TAFA5: variants seen among roughly 807,000 people sequenced by gnomAD.
TAFA5 encodes the protein chemokine-like protein TAFA-5.
Under a neutral mutation model 15.3 loss-of-function variants are expected in TAFA5, and 6 were observed. That is an observed-to-expected ratio of 0.39 (90% CI 0.21 to 0.77). The LOEUF (loss-of-function observed/expected upper bound fraction) is 0.77. Ranked by LOEUF, TAFA5 falls within the 30% of genes least tolerant of loss-of-function variation. The probability of loss-of-function intolerance (pLI) is 0.41; values close to 1 mark genes in which losing one functional copy is unlikely to be tolerated. For synonymous variants in TAFA5, 103 were observed against 80.7 expected (o/e 1.28, Z -1.48); for missense variants, 161 against 193.1 (o/e 0.83, Z 0.98).
At chr22:48,745,774 G>T (rs1187954897) in intron 3 of TAFA5, among the ~76,000 whole-genome samples, 1 of 152,222 alleles carries the variant, frequency 6.6e-6, no homozygotes, top group African/African-American at 2.4e-5. Context: ...CCGGCCCAAA[G>T]ATTTCATATA....
intron 1 of TAFA5, among the ~76,000 whole-genome samples, chr22:48,542,130 G>GT (rs1439666731): frequency 7.2e-6 from 1 of 139,110 alleles, no homozygotes; most frequent in African/African-American, 2.9e-5. Flanking sequence ...TGGTGTGTGT[G>GT]ATGTGTATGT....
intron 2 of TAFA5, among the ~76,000 whole-genome samples, chr22:48,704,888 G>A (rs1929032004): frequency 6.6e-6 from 1 of 152,116 alleles, no homozygotes; most frequent in Non-Finnish European, 1.5e-5. Context: ...TGATAGGTTT[G>A]GTTCCTGGTG....
intron 2 of TAFA5, among the ~76,000 whole-genome samples, chr22:48,687,065 TGATGAATG>T (rs1387066602): frequency 6.9e-6 from 1 of 144,206 alleles, no homozygotes; most frequent in African/African-American, 2.6e-5. Flanking sequence ...ATGAATGGAT[TGATGAATG>T]GGTGGATGGA....
chr22:48,747,160 T>G (rs1488408122), intron 3 of TAFA5, among the ~76,000 whole-genome samples: 4 of 152,166 alleles, frequency 2.6e-5, no homozygotes. Flanking sequence ...GCCTAAGAAC[T>G]AAGGGGCCCT....
In TAFA5 at chr22:48,540,322, GGT is replaced by G. The variant is rs540164579; in HGVS notation, c.112+50620_112+50621del. Among the ~76,000 whole-genome samples the G allele has an allele frequency of 2.0e-3, 301 of 152,232 alleles. 1 individual carries two copies. Among genetic ancestry groups the G allele is most frequent in the African/African-American group, 6.8e-3 (284 of 41,530 alleles). ...GCGGTGGGGGGAGGTGGATCCCCTG[GGT>G]GGAAGCCTGGAAAACCTCTGGAGGG... On this transcript the variant is annotated intron_variant, in intron 1 of 3. Coordinates refer to ENST00000402357, the MANE Select transcript of TAFA5 (RefSeq NM_001082967.3).
intron 3 of TAFA5, among the ~76,000 whole-genome samples, chr22:48,744,162 G>T (rs1208528342): frequency 6.6e-6 from 1 of 152,142 alleles, no homozygotes; most frequent in East Asian, 1.9e-4. Flanking sequence ...TGAGGAAGGG[G>T]CTGGCCCTAA....
intron 1 of TAFA5, among the ~76,000 whole-genome samples, chr22:48,510,113 T>G (rs1921157989): frequency 6.6e-6 from 1 of 152,198 alleles, no homozygotes; most frequent in Non-Finnish European, 1.5e-5. Context: ...CCTGAAATGC[T>G]TCGGGACATT....
At position 48,566,459 on chromosome 22, in the gene TAFA5, G is replaced by A. The variant is rs941607905; in HGVS notation, c.112+76755G>A. Among the ~76,000 whole-genome samples, 1 of 151,454 alleles carries A rather than the reference G, an allele frequency of 6.6e-6. No individual in the cohort carries two copies. Among genetic ancestry groups the A allele is most frequent in the Non-Finnish European group, 1.5e-5 (1 of 67,926 alleles). ...GGTGATGAATGATTGATTGATGGAG[G>A]GATGGATGTTGGATGGGTGGATGAC... On this transcript the variant is annotated intron_variant, in intron 1 of 3. Transcript: ENST00000402357. The surrounding 1 kb of genome is among the most constrained non-coding windows in gnomAD (Gnocchi z 4.5).
Position 48,741,741 on chromosome 22 carries a change from G to A in TAFA5, c.391-8098G>A, listed in dbSNP as rs569063564. Among the ~76,000 whole-genome samples the A allele has an allele frequency of 9.9e-5, 15 of 152,234 alleles. No individual in the cohort carries two copies. The South Asian group carries it at 2.1e-3, about 21-fold the overall frequency. On this transcript the variant is annotated intron_variant, in intron 3 of 3. Coordinates refer to ENST00000402357, the MANE Select transcript of TAFA5 (RefSeq NM_001082967.3). Reference sequence around the variant, plus strand: ...AGGGGCCTCAGAAGCCAGCCTTGCCGCACCTGTGGATCCCAGACGTCCAGC... The same window carrying A: ...AGGGGCCTCAGAAGCCAGCCTTGCCACACCTGTGGATCCCAGACGTCCAGC...
intron 2 of TAFA5, among the ~76,000 whole-genome samples, chr22:48,704,734 G>A (rs935915891): frequency 1.3e-5 from 2 of 152,136 alleles, no homozygotes; most frequent in Admixed American, 6.5e-5. Flanking sequence ...TCAGGTGAAC[G>A]AGGGATGTTC....
chr22:48,597,949 G>C (rs534260339), intron 1 of TAFA5, among the ~76,000 whole-genome samples: 3 of 152,202 alleles, frequency 2.0e-5, no homozygotes, highest in African/African-American at 7.2e-5. Context: ...CAGGAGTCCC[G>C]GCCCTCCATG....
chr22:48,568,897 A>G (rs1300843508), intron 1 of TAFA5, among the ~76,000 whole-genome samples: 3 of 152,220 alleles, frequency 2.0e-5, no homozygotes, highest in South Asian at 2.1e-4. Context: ...GGACGAGGGC[A>G]GATGAGGACA....
intron 3 of TAFA5, among the ~76,000 whole-genome samples, chr22:48,723,135 G>C (rs376382922): frequency 3.9e-5 from 6 of 152,136 alleles, no homozygotes; most frequent in Non-Finnish European, 8.8e-5. Context: ...CTTGGCTGGT[G>C]TGTCCAGATG....
At chr22:48,684,911 ACT>A (rs1288390080) in intron 2 of TAFA5, among the ~76,000 whole-genome samples, 1 of 152,174 alleles carries the variant, frequency 6.6e-6, no homozygotes, top group East Asian at 1.9e-4. Flanking sequence ...AAGAAGCCAA[ACT>A]CTGTAAAATA....
rs1324634834 is a variant in TAFA5 at position 48,530,746 on chromosome 22, C to A, written c.112+41042C>A. Among the ~76,000 whole-genome samples the A allele has an allele frequency of 6.6e-6, 1 of 152,148 alleles. No homozygotes were observed. Among genetic ancestry groups the A allele is most frequent in the Non-Finnish European group, 1.5e-5 (1 of 68,030 alleles). ...CATAGCCACCTGGTTCACACCTGAC[C>A]CCCAGGCCCACCCCTTCAGGGGGCC... is the stretch of plus-strand genomic sequence containing the variant. On this transcript the variant is annotated intron_variant, in intron 1 of 3. Coordinates refer to ENST00000402357, the MANE Select transcript of TAFA5 (RefSeq NM_001082967.3). This position sits in a 1 kb window ranked among gnomAD's most constrained non-coding sequence, Gnocchi z 6.0.
chr22:48,703,781 A>C (rs1928991285), intron 2 of TAFA5, among the ~76,000 whole-genome samples: 1 of 152,200 alleles, frequency 6.6e-6, no homozygotes, highest in South Asian at 2.1e-4. Context: ...CCCTGCAGGC[A>C]GGTCAGGACC....
intron 2 of TAFA5, among the ~76,000 whole-genome samples, chr22:48,688,073 T>C (rs981873473): frequency 2.1e-5 from 3 of 141,028 alleles, no homozygotes; most frequent in African/African-American, 7.7e-5. Context: ...ACAGTTGGGG[T>C]TTTTTATTGT....
chr22:48,504,343 A>G (rs557585213), intron 1 of TAFA5, among the ~76,000 whole-genome samples: 1 of 152,324 alleles, frequency 6.6e-6, no homozygotes, highest in African/African-American at 2.4e-5. Flanking sequence ...AGCCGTGCTT[A>G]GGGAGCCCTC....
chr22:48,648,699 G>A (rs577900551), intron 2 of TAFA5, among the ~76,000 whole-genome samples: 25 of 152,126 alleles, frequency 1.6e-4, no homozygotes, highest in Admixed American at 3.3e-4. Context: ...TTACCCGGGC[G>A]TGGTGGTGTG....
Sources: gnomAD v4.1 joint callset for allele counts (sites outside exome capture counted in the v4.1 genomes callset) on GRCh38, gnomAD v4.1.1 for gene constraint, Gnocchi (gnomAD v3.1) non-coding constraint, MANE v1.5 for transcripts, NCBI Gene and HGNC (gene_info 2026-07-23, HGNC 2026-07-21) for gene names.